TEX11: variants seen among roughly 807,000 people sequenced by gnomAD.
The protein encoded by TEX11 is testis expressed 11, also known as testis-expressed protein 11.
TEX11 carries 7 observed loss-of-function variants against 84.4 expected under a neutral mutation model. The observed-to-expected ratio is 0.08, with a 90% CI of 0.05 to 0.16. The LOEUF (loss-of-function observed/expected upper bound fraction) is 0.16. TEX11 is among the 10% of genes least tolerant of loss of function. The pLI is 1.00. For missense variants in TEX11, 551 were observed against 660.5 expected, an observed-to-expected ratio of 0.83 and a Z score of 1.82; for synonymous variants, 264 against 222.8, an observed-to-expected ratio of 1.18 and a Z score of -1.64.
chrX:70,793,658 AC>A (rs1241870075), intron 9 of TEX11, among the ~76,000 whole-genome samples: 1 of 111,803 alleles, frequency 8.9e-6, no homozygotes, highest in Non-Finnish European at 1.9e-5. Context: ...AGCCTACAGA[AC>A]CATGAACCAA....
At chrX:70,793,240 T>C (rs1202764755) in intron 9 of TEX11, among the ~76,000 whole-genome samples, 1 of 111,623 alleles carries the variant, frequency 9.0e-6, no homozygotes, top group African/African-American at 3.3e-5. Flanking sequence ...GCCAACATCA[T>C]AATGAACAGG....
intron 2 of TEX11, among the ~76,000 whole-genome samples, chrX:70,895,569 T>C (rs915025899): frequency 6.3e-5 from 7 of 111,675 alleles, no homozygotes; most frequent in Non-Finnish European, 1.3e-4. Context: ...GCCAAGACAA[T>C]CCTAAGCAAA....
At chrX:70,577,656 C>T (rs1307736675) in intron 25 of TEX11, among the ~76,000 whole-genome samples, 1 of 110,887 alleles carries the variant, frequency 9.0e-6, no homozygotes, top group Non-Finnish European at 1.9e-5. Flanking sequence ...AACATCTTCT[C>T]GGTTTCCTCA....
chrX:70,516,071 T>C, the TEX11 span, among the ~76,000 whole-genome samples: 1 of 112,247 alleles, frequency 8.9e-6, no homozygotes, highest in African/African-American at 3.2e-5. Flanking sequence ...TTTTGTAGGT[T>C]GCCTGTTCAC....
intron 13 of TEX11, among the ~76,000 whole-genome samples, chrX:70,711,712 G>T (rs1234025463): frequency 8.1e-5 from 9 of 111,341 alleles, no homozygotes; most frequent in Non-Finnish European, 1.7e-4. Flanking sequence ...TGAGTAGATT[G>T]CAAAAATTTT....
At chrX:70,622,853 T>C (rs1326925443) in intron 20 of TEX11, among the ~76,000 whole-genome samples, 2 of 111,945 alleles carry the variant, frequency 1.8e-5, no homozygotes, top group East Asian at 5.6e-4. Flanking sequence ...CATTATTTCA[T>C]CCATACATAT....
intron 25 of TEX11, among the ~76,000 whole-genome samples, chrX:70,567,665 CA>C (rs2088510729): frequency 9.0e-6 from 1 of 111,233 alleles, no homozygotes; most frequent in South Asian, 3.9e-4. Context: ...GTTATGTACC[CA>C]GTAGTCATTC....
intron 28 of TEX11, among the ~76,000 whole-genome samples, chrX:70,539,567 G>A (rs2088014093): frequency 9.0e-6 from 1 of 111,152 alleles, no homozygotes; most frequent in Non-Finnish European, 1.9e-5. Context: ...TCAGCTGTGA[G>A]GATTAGGTTT....
downstream of TEX11, among the ~76,000 whole-genome samples, chrX:70,526,361 G>A (rs1298230319): frequency 9.0e-6 from 1 of 110,975 alleles, no homozygotes; most frequent in East Asian, 2.8e-4. Flanking sequence ...CTGAGGTCAG[G>A]AGTTCGAGAC....
At chrX:70,677,730 C>T (rs1289769538) in intron 15 of TEX11, among the ~76,000 whole-genome samples, 1 of 110,437 alleles carries the variant, frequency 9.1e-6, no homozygotes. Context: ...CTTCAGATCC[C>T]CTTCTTGTGC....
intron 9 of TEX11, among the ~76,000 whole-genome samples, chrX:70,764,483 C>A (rs2090927594): frequency 9.0e-6 from 1 of 110,930 alleles, no homozygotes; most frequent in Admixed American, 9.6e-5. Context: ...CAGGTCAGAG[C>A]AGAAATAAAT....
intron 17 of TEX11, among the ~76,000 whole-genome samples, chrX:70,648,457 A>AAT (rs1228016930): frequency 2.7e-5 from 3 of 110,805 alleles, no homozygotes; most frequent in East Asian, 5.6e-4. Flanking sequence ...GTTCATGATC[A>AAT]ATATATATAT....
chrX:70,781,404 C>A (rs1466598486), intron 9 of TEX11, among the ~76,000 whole-genome samples: 1 of 111,998 alleles, frequency 8.9e-6, no homozygotes, highest in East Asian at 2.8e-4. Flanking sequence ...CAGAGAGCCT[C>A]TTCTCCTCCA....
At chrX:70,550,379 C>A (rs920854505) in intron 28 of TEX11, among the ~76,000 whole-genome samples, 12 of 111,456 alleles carry the variant, frequency 1.1e-4, no homozygotes, top group Admixed American at 2.9e-4. Context: ...GCAACCAAAT[C>A]AAAAATGGAC....
chrX:70,900,947 A>G (rs2091800096), intron 2 of TEX11, among the ~76,000 whole-genome samples: 1 of 111,527 alleles, frequency 9.0e-6, no homozygotes, highest in African/African-American at 3.3e-5. Flanking sequence ...CTGCCTCAAA[A>G]AAAGAAAGAA....
At position 70,833,552 on chromosome X, in the gene TEX11, T is replaced by G; in HGVS notation, c.567A>C (p.Val189=). 1 of 1,206,584 alleles carries G rather than the reference T, an allele frequency of 8.3e-7. No individual in the cohort carries two copies. Among genetic ancestry groups the G allele is most frequent in the Non-Finnish European group, 1.1e-6 (1 of 893,516 alleles). The change falls in exon 8 of 30, where the codon GTA becomes GTC. Residue 189 remains valine (V), a synonymous_variant. Coordinates refer to ENST00000374333, the MANE Select transcript of TEX11 (RefSeq NM_031276.3). ...TCATCAACATATCTTTACATTGCAG[T>G]ACACACATAGATGCTCTTTGAAAAT... ...QGDFQRASMC[V]LQCKDMLMRL...
chrX:70,678,879 T>C lies in TEX11; in HGVS notation c.1167A>G (p.Thr389=), dbSNP rs762074736. The change falls in exon 15 of 30, where the codon ACA becomes ACG. Residue 389 remains threonine, a synonymous_variant. Transcript: ENST00000374333. ...KIEEIFLAHQ[T]GRQLTAESMN... ...TTGATTCTGCTGTCAGTTGTCTTCC[T>C]GTTTGGTGAGCTGAAAAAAAAAAAA... is the stretch of plus-strand genomic sequence containing the variant. 17 of 1,152,716 alleles carry C rather than the reference T, an allele frequency of 1.5e-5. No individual in the cohort carries two copies. Among genetic ancestry groups the C allele is most frequent in the Middle Eastern group, 3.1e-4 (1 of 3,236 alleles). 95.0% of individuals were successfully genotyped at this position (1,152,716 alleles called of 1,213,427 possible). A position where few individuals can be genotyped will look rare whatever the true frequency, so the allele number is the denominator to read the frequency against.
At position 70,630,055 on chromosome X, in the gene TEX11, G is replaced by A. The variant is rs957221469; in HGVS notation, c.1484-320C>T. Among the ~76,000 whole-genome samples, 5 of 111,837 alleles carry A rather than the reference G, an allele frequency of 4.5e-5. No homozygotes were observed. The East Asian group carries it at 8.4e-4, about 19-fold the overall frequency. ...GGGCCAGGCGCGGTGGCTCACGCCT[G>A]TAATCCCAGCACTTTGGGAGGCCGA... On this transcript the variant is annotated intron_variant, in intron 17 of 29. Transcript: ENST00000374333.
rs1429272006 is a variant in TEX11 at position 70,679,732 on chromosome X, G to A, written c.1157-843C>T. ...CAGCCACCTCGTCAGGCAGGGAGGTGGGGGGGTCAGCCCCCCGCCCGGCCA... is the reference window on the plus strand; with the variant it reads ...CAGCCACCTCGTCAGGCAGGGAGGTAGGGGGGTCAGCCCCCCGCCCGGCCA... On this transcript the variant is annotated intron_variant, in intron 14 of 29. Transcript: ENST00000374333. 2.8e-5 allele frequency among the ~76,000 whole-genome samples: 3 copies of A among 107,681 alleles called. No homozygotes were observed. The East Asian group carries it at 9.2e-4, about 33-fold the overall frequency. The allele number at this position is 107,681 out of a possible 115,157, so 93.5% of individuals were successfully genotyped here.
Sources: allele counts gnomAD v4.1 joint callset (sites outside exome capture counted in the v4.1 genomes callset), GRCh38; gene constraint gnomAD v4.1.1; transcripts MANE v1.5; gene names NCBI Gene and HGNC (gene_info 2026-07-23, HGNC 2026-07-21).